Variants in MINDY4 observed in about 807,000 individuals in gnomAD.
The protein encoded by MINDY4 is MINDY lysine 48 deubiquitinase 4.
A neutral mutation model predicts 87.0 loss-of-function variants in MINDY4; 68 were observed. That is an observed-to-expected ratio of 0.78 (90% CI 0.64 to 0.96). MINDY4 has a LOEUF of 0.96. Among genes scored for constraint, MINDY4 ranks in the 40% least tolerant of loss-of-function variants. The pLI is 0.00. For synonymous variants in MINDY4, 379 were observed against 363.2 expected, an observed-to-expected ratio of 1.04 and a Z score of -0.50; for missense variants, 919 against 928.2, an observed-to-expected ratio of 0.99 and a Z score of 0.13.
chr7:30,870,691 A>C (rs1461450240), intron 13 of MINDY4, among the ~76,000 whole-genome samples: 1 of 152,218 alleles, frequency 6.6e-6, no homozygotes, highest in Non-Finnish European at 1.5e-5. Flanking sequence ...TCAGGCATGT[A>C]TTTTAGGCTT....
chr7:30,867,550 T>G (rs1789976848), intron 13 of MINDY4, among the ~76,000 whole-genome samples: 1 of 152,184 alleles, frequency 6.6e-6, no homozygotes, highest in South Asian at 2.1e-4. Context: ...AACTGATAAG[T>G]GGCAGTAATT....
At chr7:30,891,869 CCTT>C in intron 17 of MINDY4, 85 bp from the exon 18 acceptor site, 1 of 1,361,174 alleles carries the variant, frequency 7.3e-7, no homozygotes, top group Admixed American at 1.7e-5. Flanking sequence ...CAAGACAAAA[CCTT>C]CAGGAAGTGG....
chr7:30,890,653 G>GT (rs1250879423), intron 17 of MINDY4, among the ~76,000 whole-genome samples: 1 of 152,194 alleles, frequency 6.6e-6, no homozygotes, highest in Non-Finnish European at 1.5e-5. Flanking sequence ...GCTGCCTTTG[G>GT]AAGGGACACT....
rs147307232 is a variant in MINDY4, at chr7:30,859,797, C to G, written c.1745+473C>G. Among the ~76,000 whole-genome samples the G allele has an allele frequency of 3.6e-4, 55 of 152,290 alleles. 4 individuals carry two copies. The highest frequency in any genetic ancestry group is 1.2e-3 in the African/African-American group (51 of 41,572). On this transcript the variant is annotated intron_variant, in intron 13 of 17. Coordinates refer to ENST00000265299, the MANE Select transcript of MINDY4 (RefSeq NM_032222.3). ...GTGAATGGGCGGTGGCCAGGAGGCC[C>G]TGGAGGCAGGGAGAGGTGGCAGGGC...
chr7:30,884,967 G>A (rs1305885035), intron 17 of MINDY4, among the ~76,000 whole-genome samples: 1 of 152,206 alleles, frequency 6.6e-6, no homozygotes, highest in Admixed American at 6.5e-5. Context: ...GCAAGCAGGT[G>A]ACAGTGAGGT....
chr7:30,808,222 C>G (rs1447121253), intron 5 of MINDY4, among the ~76,000 whole-genome samples: 1 of 152,188 alleles, frequency 6.6e-6, no homozygotes, highest in Non-Finnish European at 1.5e-5. Flanking sequence ...GGAATTGGCA[C>G]TTGGAGTCCG....
chr7:30,788,346 C>G (rs1562530878), intron 4 of MINDY4, among the ~76,000 whole-genome samples: 1 of 152,166 alleles, frequency 6.6e-6, no homozygotes, highest in Non-Finnish European at 1.5e-5. Flanking sequence ...CTTGATATGT[C>G]TTGCACTTTG....
chr7:30,848,137 C>A (rs917416120), intron 9 of MINDY4, among the ~76,000 whole-genome samples: 3 of 152,174 alleles, frequency 2.0e-5, no homozygotes, highest in African/African-American at 7.2e-5. Flanking sequence ...AGGGGGTCTC[C>A]TTACTTCCAG....
chr7:30,864,877 C>T (rs967600790), intron 13 of MINDY4, among the ~76,000 whole-genome samples: 1 of 152,222 alleles, frequency 6.6e-6, no homozygotes, highest in Non-Finnish European at 1.5e-5. Context: ...CTTTCTGTTC[C>T]AGCAATTGTG....
chr7:30,781,927 C>T (rs1787017493), intron 2 of MINDY4, 50 bp from the exon 3 acceptor site: 1 of 1,312,728 alleles, frequency 7.6e-7, no homozygotes, highest in Non-Finnish European at 1.1e-6. Context: ...TTCCACTCTT[C>T]CCTGAAGCTG....
intron 7 of MINDY4, among the ~76,000 whole-genome samples, chr7:30,837,037 A>G (rs562670911): frequency 6.6e-6 from 1 of 152,046 alleles, no homozygotes; most frequent in Non-Finnish European, 1.5e-5. Flanking sequence ...CTGCTTCATC[A>G]TGTCCCTGTG....
chr7:30,824,840 A>T (rs545610099), intron 5 of MINDY4, among the ~76,000 whole-genome samples: 4 of 152,336 alleles, frequency 2.6e-5, no homozygotes, highest in African/African-American at 7.2e-5. Context: ...GACTATAGGC[A>T]TGAGCCACCA....
At chr7:30,841,717 C>T (rs924679651) in intron 9 of MINDY4, among the ~76,000 whole-genome samples, 1 of 152,164 alleles carries the variant, frequency 6.6e-6, no homozygotes, top group Non-Finnish European at 1.5e-5. Context: ...TATCACAAAA[C>T]CGCACACCCA....
chr7:30,807,974 T>C (rs1448393970), intron 5 of MINDY4, among the ~76,000 whole-genome samples: 1 of 152,260 alleles, frequency 6.6e-6, no homozygotes, highest in Non-Finnish European at 1.5e-5. Context: ...AGGGGTTTTG[T>C]CTGCGGCTTG....
In MINDY4 at chr7:30,785,864, T is replaced by C; in HGVS notation, c.535T>C (p.Trp179Arg). ...PGETPVLTSA[W>R]EKIDKLHSEP... ...TGAAACTCCTGTGTTGACTTCTGCATGGGAGAAGATAGACAAGCTTCACTC... is the reference window on the plus strand; with the variant it reads ...TGAAACTCCTGTGTTGACTTCTGCACGGGAGAAGATAGACAAGCTTCACTC... Residue 179 changes from tryptophan (W) to arginine (R), a missense_variant, in exon 4 of 18, where the codon TGG (tryptophan) becomes CGG (arginine). Transcript: ENST00000265299. 2 of 1,614,210 alleles carry C rather than the reference T, an allele frequency of 1.2e-6. No individual in the cohort carries two copies. The highest frequency in any genetic ancestry group is 1.7e-6 in the Non-Finnish European group (2 of 1,180,048).
intron 9 of MINDY4, among the ~76,000 whole-genome samples, chr7:30,847,670 T>C (rs1203839692): frequency 6.6e-6 from 1 of 152,232 alleles, no homozygotes; most frequent in Admixed American, 6.5e-5. Context: ...GGAAAGAGTT[T>C]ATAACAGTGT....
Position 30,892,161 on chromosome 7 carries a change from G to T in MINDY4, c.*156G>T. 1 of 740,410 alleles carries T rather than the reference G, an allele frequency of 1.4e-6. No individual in the cohort carries two copies. The highest frequency in any genetic ancestry group is 2.3e-6 in the Non-Finnish European group (1 of 435,628). 45.9% of individuals were successfully genotyped at this position (740,410 alleles called of 1,614,324 possible). ...AGAGCCTCCCTGCCCCTTCCATGAA[G>T]GGCCCACCCAAGACTGTGCTGGGGA... On this transcript the variant is annotated 3_prime_UTR_variant, in exon 18 of 18. Coordinates refer to ENST00000265299, the MANE Select transcript of MINDY4 (RefSeq NM_032222.3).
intron 15 of MINDY4, among the ~76,000 whole-genome samples, chr7:30,879,724 G>A (rs1469731973): frequency 6.6e-6 from 1 of 152,184 alleles, no homozygotes; most frequent in African/African-American, 2.4e-5. Flanking sequence ...TAAGTAGGGG[G>A]TCCTTCTCAT....
Position 30,891,972 on chromosome 7 carries a change from A to G in MINDY4, c.2241A>G (p.Ser747=), listed in dbSNP as rs917455628. 9 of 1,614,158 alleles carry G rather than the reference A, an allele frequency of 5.6e-6. No homozygotes were observed. The highest frequency in any genetic ancestry group is 5.1e-6 in the Non-Finnish European group (6 of 1,180,012). Residue 747 remains serine (S), a synonymous_variant, in exon 18 of 18, where the codon TCA becomes TCG. Transcript: ENST00000265299. ...LCIRTKWKGA[S]VNWNGSDPIL is the part of the protein sequence containing the mutation. ...CTACGCTTAGGTGGAAGGGGGCATC[A>G]GTGAACTGGAACGGCTCAGACCCCA...
Sources: allele counts gnomAD v4.1 joint callset (sites outside exome capture counted in the v4.1 genomes callset), GRCh38; gene constraint gnomAD v4.1.1; transcripts MANE v1.5; gene names NCBI Gene and HGNC (gene_info 2026-07-23, HGNC 2026-07-21).